The following ZPLD1 variants were observed in gnomAD, a reference collection of about 807,000 sequenced individuals.
ZPLD1 encodes the protein zona pellucida-like domain-containing protein 1.
A neutral mutation model predicts 47.2 loss-of-function variants in ZPLD1; 34 were observed. The ratio of observed to expected loss-of-function variants is 0.72; its 90% CI spans 0.55 to 0.96. The LOEUF (loss-of-function observed/expected upper bound fraction) is 0.96. ZPLD1 is among the 40% of genes least tolerant of loss of function. ZPLD1 has a pLI of 0.00. For missense variants in ZPLD1, 512 were observed against 505.8 expected, an observed-to-expected ratio of 1.01 and a Z score of -0.12; for synonymous variants, 176 against 186.2, an observed-to-expected ratio of 0.95 and a Z score of 0.45.
intron 8 of ZPLD1, among the ~76,000 whole-genome samples, chr3:102,467,923 A>G (rs1332402902): frequency 6.6e-6 from 1 of 151,940 alleles, no homozygotes; most frequent in Non-Finnish European, 1.5e-5. Flanking sequence ...TGCAACTTAT[A>G]TAACAACCAG....
chr3:102,478,118 C>T lies in ZPLD1; in HGVS notation c.*500C>T, dbSNP rs1414103310. 6.6e-6 allele frequency: 1 copy of T among 152,242 alleles called. No individual in the cohort carries two copies. 9.4% of individuals were successfully genotyped at this position (152,242 alleles called of 1,614,324 possible). A position where few individuals can be genotyped will look rare whatever the true frequency, so the allele number is the denominator to read the frequency against. On this transcript the variant is annotated 3_prime_UTR_variant, in exon 12 of 12. Transcript: ENST00000466937. Reference sequence around the variant, plus strand: ...AATTTGGATACCTGAGATTTAACTACTCATTCTATGACCTCCTGTGTTTTT... The same window carrying T: ...AATTTGGATACCTGAGATTTAACTATTCATTCTATGACCTCCTGTGTTTTT...
intron 10 of ZPLD1, among the ~76,000 whole-genome samples, chr3:102,475,739 C>T (rs995942558): frequency 6.6e-6 from 1 of 152,020 alleles, no homozygotes; most frequent in African/African-American, 2.4e-5. Context: ...TTCTAAAGAA[C>T]CCTATGAATG....
At chr3:102,388,517 C>T (rs1184952740) in intron 6 of ZPLD1, among the ~76,000 whole-genome samples, 1 of 150,608 alleles carries the variant, frequency 6.6e-6, no homozygotes, top group African/African-American at 2.4e-5. Flanking sequence ...ACTAATTTAT[C>T]TCTGAGGATG....
At chr3:102,458,805 G>C (rs1262356375) in intron 6 of ZPLD1, among the ~76,000 whole-genome samples, 1 of 152,164 alleles carries the variant, frequency 6.6e-6, no homozygotes, top group Non-Finnish European at 1.5e-5. Flanking sequence ...AAGAGAAGCT[G>C]TCGGCCGGGT....
Position 102,452,939 on chromosome 3 carries a change from T to C in ZPLD1, c.127T>C (p.Tyr43His). The C allele has an allele frequency of 6.2e-7, 1 of 1,614,132 alleles. No homozygotes were observed. The highest frequency in any genetic ancestry group is 8.5e-7 in the Non-Finnish European group (1 of 1,179,978). ...TTCAGCTGAAAGAGACATCAGTGTC[T>C]ATTGTGGAGTGCAGGCTATTACGAT... ...RFPAERDISVYCGVQAITMKI... is the reference protein window; with the variant it reads ...RFPAERDISVHCGVQAITMKI... Residue 43 changes from tyrosine (Y) to histidine (H), a missense_variant, in exon 4 of 12, where the codon TAT becomes CAT. Physicochemically the swap from Tyr to His is moderately conservative, Grantham distance 83 (BLOSUM62 2). Transcript: ENST00000466937.
intron 8 of ZPLD1, among the ~76,000 whole-genome samples, chr3:102,466,238 A>G (rs1191051353): frequency 6.6e-6 from 1 of 152,178 alleles, no homozygotes; most frequent in Non-Finnish European, 1.5e-5. Flanking sequence ...ATATTCAAAG[A>G]AAGTTGTTAT....
rs374933437 is a variant in ZPLD1 at position 102,405,430 on chromosome 3, A to G, written c.-156-12630A>G. On this transcript the variant is annotated intron_variant, in intron 7 of 17. Transcript: ENST00000491959. ...TTTAGTTGCTTAAATATTTCATTTAAATCAGATAGACATGTTGACTATCAA... is the reference window on the plus strand; with the variant it reads ...TTTAGTTGCTTAAATATTTCATTTAGATCAGATAGACATGTTGACTATCAA... Among the ~76,000 whole-genome samples the G allele has an allele frequency of 5.0e-4, 76 of 152,124 alleles. 1 individual carries two copies. The highest frequency in any genetic ancestry group is 1.8e-3 in the African/African-American group (74 of 41,540).
At chr3:102,435,261 T>G in intron 1 of ZPLD1, 107 bp downstream of exon 1, 2 of 1,247,624 alleles carry the variant, frequency 1.6e-6, no homozygotes, top group Non-Finnish European at 2.3e-6. Context: ...CTGCCAAGAC[T>G]ATAGAGATTC....
intron 6 of ZPLD1, among the ~76,000 whole-genome samples, chr3:102,387,876 T>C (rs6800293): frequency 1.4e-5 from 2 of 138,884 alleles, no homozygotes; most frequent in Non-Finnish European, 3.2e-5. Context: ...TTTTTTTTTG[T>C]GAGACGGAGT....
intron 1 of ZPLD1, 81 bp from the exon 2 acceptor site, chr3:102,436,779 A>G (rs994013117): frequency 6.5e-5 from 39 of 602,496 alleles, no homozygotes; most frequent in Non-Finnish European, 7.9e-5. Flanking sequence ...TTCTCCTGTG[A>G]AAAATATATG....
chr3:102,477,111 T>TA (rs2107362553), intron 11 of ZPLD1, 70 bp downstream of exon 11: 1 of 1,541,934 alleles, frequency 6.5e-7, no homozygotes, highest in East Asian at 2.2e-5. Flanking sequence ...TGTAATCATC[T>TA]AAGTGTAATG....
intron 7 of ZPLD1, among the ~76,000 whole-genome samples, chr3:102,402,283 CCATTCACT>C (rs1207556002): frequency 2.6e-5 from 4 of 151,950 alleles, no homozygotes; most frequent in Non-Finnish European, 5.9e-5. Context: ...CTCTCTTCTA[CCATTCACT>C]CATTCACTAA....
intron 8 of ZPLD1, among the ~76,000 whole-genome samples, chr3:102,466,615 G>A (rs1482501635): frequency 6.6e-6 from 1 of 152,118 alleles, no homozygotes; most frequent in African/African-American, 2.4e-5. Context: ...CTATGGAAAT[G>A]TGTAAAGGAA....
At chr3:102,442,270 CA>C (rs1176410269) in intron 3 of ZPLD1, among the ~76,000 whole-genome samples, 5 of 150,640 alleles carry the variant, frequency 3.3e-5, no homozygotes, top group African/African-American at 1.2e-4. Context: ...GCTTAGGCAA[CA>C]AACACCCAAA....
intron 3 of ZPLD1, among the ~76,000 whole-genome samples, chr3:102,451,743 G>A (rs1707339098): frequency 6.6e-6 from 1 of 152,052 alleles, no homozygotes; most frequent in African/African-American, 2.4e-5. Context: ...GTGTGCCTGG[G>A]CTTGTAGATG....
intron 3 of ZPLD1, among the ~76,000 whole-genome samples, chr3:102,443,705 A>T (rs185342097): frequency 1.3e-5 from 2 of 152,190 alleles, no homozygotes; most frequent in Non-Finnish European, 2.9e-5. Flanking sequence ...TAATCAATAG[A>T]ATTCATGAGT....
chr3:102,438,691 C>T (rs961324403), intron 3 of ZPLD1, 98 bp downstream of exon 3: 1 of 811,390 alleles, frequency 1.2e-6, no homozygotes, highest in Non-Finnish European at 1.9e-6. Flanking sequence ...GGGGGGCTAT[C>T]TCTTTACATT....
intron 8 of ZPLD1, among the ~76,000 whole-genome samples, chr3:102,464,912 T>A (rs1383977729): frequency 2.0e-5 from 3 of 152,214 alleles, no homozygotes; most frequent in Admixed American, 6.5e-5. Flanking sequence ...TGTCTTCTAA[T>A]CATGCTTATA....
chr3:102,459,905 A>G (rs891954707), intron 6 of ZPLD1, among the ~76,000 whole-genome samples: 3 of 152,118 alleles, frequency 2.0e-5, no homozygotes, highest in Non-Finnish European at 4.4e-5. Flanking sequence ...CCTCTTGTAC[A>G]TTCTATGGGT....
Sources: gnomAD v4.1 joint callset for allele counts (sites outside exome capture counted in the v4.1 genomes callset) on GRCh38, gnomAD v4.1.1 for gene constraint, MANE v1.5 for transcripts, NCBI Gene and HGNC (gene_info 2026-07-23, HGNC 2026-07-21) for gene names.